The following ANO4 variants were observed in gnomAD, a reference collection of about 807,000 sequenced individuals.
ANO4 encodes anoctamin-4.
A neutral mutation model predicts 141.9 loss-of-function variants in ANO4; 69 were observed. The observed-to-expected ratio is 0.49, with a 90% CI of 0.40 to 0.59. The LOEUF (loss-of-function observed/expected upper bound fraction) is 0.59. ANO4 is among the 20% of genes least tolerant of loss of function. The pLI, the probability that ANO4 is intolerant of heterozygous loss-of-function variation, is 0.00. For synonymous variants in ANO4, 350 were observed against 394.3 expected (o/e 0.89, Z 1.33); for missense variants, 894 against 1,162.2 (o/e 0.77, Z 3.36).
intron 5 of ANO4, among the ~76,000 whole-genome samples, chr12:100,953,099 T>G (rs949715734): frequency 6.6e-6 from 1 of 152,212 alleles, no homozygotes; most frequent in Non-Finnish European, 1.5e-5. Flanking sequence ...TTAACTTCTC[T>G]GATATAAAGC....
chr12:101,052,347 G>A (rs1352225904), intron 14 of ANO4, among the ~76,000 whole-genome samples: 5 of 152,120 alleles, frequency 3.3e-5, no homozygotes, highest in Admixed American at 2.0e-4. Context: ...AGGTCCAAGG[G>A]TCAGAATGAT....
chr12:100,936,209 G>A (rs924896312), intron 3 of ANO4, among the ~76,000 whole-genome samples: 27 of 152,122 alleles, frequency 1.8e-4, no homozygotes, highest in African/African-American at 6.5e-4. Context: ...CAAGTTAGCT[G>A]CTCCTTCTAG....
intron 3 of ANO4, among the ~76,000 whole-genome samples, chr12:100,931,886 T>A (rs1227619885): frequency 1.3e-5 from 2 of 152,126 alleles, no homozygotes; most frequent in Non-Finnish European, 2.9e-5. Context: ...TAAAGGGACC[T>A]TAGTCTAAAG....
At chr12:100,793,521 G>A (rs909164969), upstream of ANO4, among the ~76,000 whole-genome samples, 1 of 151,690 alleles carries the variant, frequency 6.6e-6, no homozygotes, top group African/African-American at 2.4e-5. Context: ...CAACTTCTAG[G>A]TAAAAACAGA....
At chr12:100,806,765 G>T (rs1223195441) in intron 1 of ANO4, among the ~76,000 whole-genome samples, 1 of 151,600 alleles carries the variant, frequency 6.6e-6, no homozygotes, top group South Asian at 2.1e-4. Context: ...GGCTGGTCTC[G>T]AACTGCTGAC....
intron 22 of ANO4, among the ~76,000 whole-genome samples, chr12:101,107,117 C>T (rs1475182537): frequency 6.6e-6 from 1 of 152,124 alleles, no homozygotes; most frequent in Non-Finnish European, 1.5e-5. Flanking sequence ...CCTGAAAGAA[C>T]TAAACTCTAG....
Position 100,972,582 on chromosome 12 carries a change from A to G in ANO4, c.557+1176A>G, listed in dbSNP as rs1274304172. On this transcript the variant is annotated intron_variant, in intron 6 of 27. Coordinates refer to ENST00000392977, the MANE Select transcript of ANO4 (RefSeq NM_001286615.2). ...GAACTCAAGGATTAAAAAAAGGAAT[A>G]CATATATATATCCACTAGGGAGAGA... is the stretch of plus-strand genomic sequence containing the variant. Among the ~76,000 whole-genome samples the G allele has an allele frequency of 2.6e-5, 4 of 152,318 alleles. No homozygotes were observed. In the East Asian group the frequency reaches 5.8e-4, roughly 22 times the overall value.
At chr12:100,810,149 T>G (rs2035315169) in intron 1 of ANO4, among the ~76,000 whole-genome samples, 2 of 151,860 alleles carry the variant, frequency 1.3e-5, no homozygotes, top group Non-Finnish European at 2.9e-5. Flanking sequence ...GGAACATGGT[T>G]AGGAGTATGC....
intron 3 of ANO4, among the ~76,000 whole-genome samples, chr12:100,923,903 T>C (rs1016203365): frequency 2.0e-5 from 3 of 152,216 alleles, no homozygotes; most frequent in Non-Finnish European, 4.4e-5. Context: ...ATGAGCATTT[T>C]TTCATGTGTC....
At position 100,744,110 on chromosome 12, in the gene ANO4, A is replaced by G. The variant is rs188910970; in HGVS notation, c.358+4005A>G. ...ATTTTCATGTCTGATTTCTCTGACAAGTTTTACATGTGTATTTATAAGTGC... is the reference window on the plus strand; with the variant it reads ...ATTTTCATGTCTGATTTCTCTGACAGGTTTTACATGTGTATTTATAAGTGC... On this transcript the variant is annotated intron_variant, in intron 3 of 29. Coordinates refer to the ANO4 transcript ENST00000644049. 2.7e-3 allele frequency among the ~76,000 whole-genome samples: 406 copies of G among 152,280 alleles called. 3 individuals are homozygous for G. The highest frequency in any genetic ancestry group is 8.8e-3 in the African/African-American group (366 of 41,554).
chr12:101,106,996 A>G (rs981893374), intron 22 of ANO4, among the ~76,000 whole-genome samples: 1 of 152,232 alleles, frequency 6.6e-6, no homozygotes, highest in South Asian at 2.1e-4. Context: ...GTTTTAGGCC[A>G]TAATATTTAA....
intron 17 of ANO4, among the ~76,000 whole-genome samples, chr12:101,090,090 A>T (rs1291890109): frequency 6.6e-6 from 1 of 152,222 alleles, no homozygotes; most frequent in African/African-American, 2.4e-5. Context: ...TTAAAAAGTC[A>T]GGAAACAACA....
At chr12:101,047,789 A>G (rs952755872) in intron 13 of ANO4, among the ~76,000 whole-genome samples, 6 of 152,206 alleles carry the variant, frequency 3.9e-5, no homozygotes, top group Non-Finnish European at 7.3e-5. Flanking sequence ...AGGTAAATAT[A>G]GTGATTACCC....
chr12:100,904,058 C>T (rs552310291), intron 2 of ANO4, among the ~76,000 whole-genome samples: 12 of 152,268 alleles, frequency 7.9e-5, no homozygotes, highest in Admixed American at 2.0e-4. Context: ...CTTGTCTATC[C>T]GTCCACTGAA....
intron 9 of ANO4, among the ~76,000 whole-genome samples, 199 bp downstream of exon 9, chr12:101,020,339 C>T (rs560166753): frequency 1.3e-5 from 2 of 152,294 alleles, no homozygotes; most frequent in East Asian, 3.9e-4. Context: ...CATGTTGTCT[C>T]ATTTGTCTAA....
chr12:100,896,738 C>A (rs1321467373), intron 1 of ANO4, among the ~76,000 whole-genome samples: 1 of 152,034 alleles, frequency 6.6e-6, no homozygotes, highest in East Asian at 1.9e-4. Flanking sequence ...AAACGAAAGC[C>A]AAAGCAAGAG....
At chr12:100,888,842 T>C (rs1309023033) in intron 1 of ANO4, among the ~76,000 whole-genome samples, 1 of 152,114 alleles carries the variant, frequency 6.6e-6, no homozygotes, top group Non-Finnish European at 1.5e-5. Flanking sequence ...TAACACTTAA[T>C]GTTCTTTTTT....
At chr12:100,893,697 T>C (rs1184212274) in intron 1 of ANO4, among the ~76,000 whole-genome samples, 2 of 152,244 alleles carry the variant, frequency 1.3e-5, no homozygotes, top group Admixed American at 1.3e-4. Flanking sequence ...TCTCTCTCTA[T>C]TGGGAAGTAC....
intron 1 of ANO4, among the ~76,000 whole-genome samples, chr12:100,804,740 A>G (rs1433917995): frequency 1.3e-5 from 2 of 152,176 alleles, no homozygotes; most frequent in African/African-American, 4.8e-5. Flanking sequence ...GGCCGCATGT[A>G]TGTCTTCTTT....
Sources: allele counts gnomAD v4.1 joint callset (sites outside exome capture counted in the v4.1 genomes callset), GRCh38; gene constraint gnomAD v4.1.1; transcripts MANE v1.5; gene names NCBI Gene and HGNC (gene_info 2026-07-23, HGNC 2026-07-21).